Variants in CTTNBP2NL observed in about 807,000 individuals in gnomAD.
CTTNBP2NL encodes CTTNBP2 N-terminal like, also known as CTTNBP2 N-terminal-like protein.
Under a neutral mutation model 32.5 loss-of-function variants are expected in CTTNBP2NL, and 16 were observed. That is an observed-to-expected ratio of 0.49 (90% CI 0.33 to 0.75). CTTNBP2NL has a LOEUF of 0.75. CTTNBP2NL is among the 30% of genes least tolerant of loss of function. CTTNBP2NL has a pLI of 0.02. For synonymous variants in CTTNBP2NL, 298 were observed against 289.4 expected (o/e 1.03, Z -0.30); for missense variants, 645 against 756.0 (o/e 0.85, Z 1.72).
At chr1:112,438,867 G>A (rs1233498534) in intron 3 of CTTNBP2NL, among the ~76,000 whole-genome samples, 9 of 152,152 alleles carry the variant, frequency 5.9e-5, no homozygotes, top group South Asian at 2.1e-4. Context: ...TAAACACCCT[G>A]CAATGCAATG....
chr1:112,442,721 C>T (rs1368074391), intron 3 of CTTNBP2NL, among the ~76,000 whole-genome samples: 1 of 151,682 alleles, frequency 6.6e-6, no homozygotes, highest in Admixed American at 6.6e-5. Context: ...AAGAGAGTCT[C>T]GCTCTGTCGC....
At chr1:112,446,937 T>G (rs1179629961) in intron 3 of CTTNBP2NL, among the ~76,000 whole-genome samples, 1 of 152,200 alleles carries the variant, frequency 6.6e-6, no homozygotes, top group African/African-American at 2.4e-5. Context: ...GGAGGTTATT[T>G]TGAAATTTTA....
chr1:112,429,221 C>T (rs892384813), intron 3 of CTTNBP2NL, among the ~76,000 whole-genome samples: 2 of 152,208 alleles, frequency 1.3e-5, no homozygotes, highest in African/African-American at 4.8e-5. Flanking sequence ...GCTAAATGAA[C>T]TATGGGATCT....
chr1:112,393,994 T>C (rs1024408495), upstream of CTTNBP2NL, among the ~76,000 whole-genome samples: 6 of 151,806 alleles, frequency 4.0e-5, no homozygotes, highest in African/African-American at 1.5e-4. Context: ...TCACCTGAGG[T>C]CAGGAGTTTG....
intron 3 of CTTNBP2NL, among the ~76,000 whole-genome samples, chr1:112,419,338 T>C (rs1229697855): frequency 1.3e-5 from 2 of 152,174 alleles, no homozygotes; most frequent in Non-Finnish European, 2.9e-5. Flanking sequence ...AAAATCGAAA[T>C]GTTATGTCTT....
chr1:112,391,465 TAGTTGGAGCCTAGGAC>T (rs927421139), upstream of CTTNBP2NL, among the ~76,000 whole-genome samples: 1 of 152,176 alleles, frequency 6.6e-6, no homozygotes, highest in Non-Finnish European at 1.5e-5. Flanking sequence ...CCCAGATGTT[TAGTTGGAGCCTAGGAC>T]TCAGAGAAGA....
At position 112,461,113 on chromosome 1, in the gene CTTNBP2NL, T is replaced by C. The variant is rs1650540168; in HGVS notation, c.*3701T>C. ...GAAATGAGAGCCTGTCCACCCACCA[T>C]TTGTGTATCAGTGGCCAATTCATTA... On this transcript the variant is annotated 3_prime_UTR_variant, in exon 6 of 6. Coordinates refer to ENST00000271277, the MANE Select transcript of CTTNBP2NL (RefSeq NM_018704.3). 1 of 152,156 alleles carries C rather than the reference T, an allele frequency of 6.6e-6. No individual in the cohort carries two copies. The highest frequency in any genetic ancestry group is 1.5e-5 in the Non-Finnish European group (1 of 68,018). 9.4% of individuals were successfully genotyped at this position (152,156 alleles called of 1,614,324 possible).
intron 3 of CTTNBP2NL, among the ~76,000 whole-genome samples, chr1:112,417,625 T>C (rs1649104202): frequency 6.6e-6 from 1 of 152,204 alleles, no homozygotes; most frequent in Non-Finnish European, 1.5e-5. Flanking sequence ...TTAGTCTGCA[T>C]ATGGTCTGTA....
chr1:112,438,493 A>G (rs765148452), intron 3 of CTTNBP2NL, among the ~76,000 whole-genome samples: 2 of 152,122 alleles, frequency 1.3e-5, no homozygotes, highest in African/African-American at 2.4e-5. Context: ...TCTATTCTAG[A>G]TATAGAATCA....
At chr1:112,430,169 T>TTCTTC (rs1649518324) in intron 3 of CTTNBP2NL, among the ~76,000 whole-genome samples, 1 of 33,098 alleles carries the variant, frequency 3.0e-5, no homozygotes, top group Non-Finnish European at 7.7e-5. Context: ...GCTCTTTTCT[T>TTCTTC]TCTTTTCTTT....
intron 3 of CTTNBP2NL, among the ~76,000 whole-genome samples, chr1:112,440,210 T>C (rs1649857802): frequency 6.6e-6 from 1 of 152,230 alleles, no homozygotes; most frequent in Non-Finnish European, 1.5e-5. Context: ...TTTTGGTTGT[T>C]TAACCCTGAT....
At position 112,456,627 on chromosome 1, in the gene CTTNBP2NL, G is replaced by A. The variant is rs760099859; in HGVS notation, c.1135G>A (p.Val379Met). ...ENQVPPREKS[V>M]ALAQEKPVEN... ...CCAGGTGCCTCCACGGGAAAAATCT[G>A]TGGCATTGGCCCAAGAGAAACCAGT... Residue 379 changes from valine to methionine, a missense_variant, in exon 6 of 6, where the codon GTG becomes ATG. Val to Met is a conservative substitution (Grantham distance 21). Transcript: ENST00000271277. The A allele has an allele frequency of 6.2e-7, 1 of 1,614,156 alleles. No individual in the cohort carries two copies. The highest frequency in any genetic ancestry group is 8.5e-7 in the Non-Finnish European group (1 of 1,180,024).
At chr1:112,409,696 T>C (rs1195685424) in intron 1 of CTTNBP2NL, among the ~76,000 whole-genome samples, 1 of 152,174 alleles carries the variant, frequency 6.6e-6, no homozygotes, top group Non-Finnish European at 1.5e-5. Context: ...AGTCTCTATA[T>C]GGTAAAATGG....
intron 3 of CTTNBP2NL, among the ~76,000 whole-genome samples, chr1:112,426,605 C>CTT (rs35801433): frequency 4.2e-4 from 55 of 129,566 alleles, no homozygotes; most frequent in South Asian, 7.5e-4. Context: ...TACGGCAAAA[C>CTT]TTTTTTTTTT....
intron 3 of CTTNBP2NL, among the ~76,000 whole-genome samples, chr1:112,442,286 C>G (rs1370503003): frequency 6.6e-6 from 1 of 152,148 alleles, no homozygotes; most frequent in Non-Finnish European, 1.5e-5. Flanking sequence ...CCATGCCTGG[C>G]TAATTTTTAT....
chr1:112,418,375 C>T (rs1435162738), intron 3 of CTTNBP2NL, among the ~76,000 whole-genome samples: 1 of 152,084 alleles, frequency 6.6e-6, no homozygotes, highest in Non-Finnish European at 1.5e-5. Flanking sequence ...TCCCAGAATC[C>T]TCCTCACTCA....
Position 112,413,963 on chromosome 1 carries a change from G to C in CTTNBP2NL, c.-10+1646G>C, listed in dbSNP as rs536787643. Among the ~76,000 whole-genome samples, 6 of 152,002 alleles carry C rather than the reference G, an allele frequency of 3.9e-5. No individual in the cohort carries two copies. The East Asian group carries it at 7.7e-4, about 20-fold the overall frequency. ...CTTGGGAGGCTGAGGCAGGAGAATCGCTGGAACCCGGGAGGCGGAGGTTGC... is the reference window on the plus strand; with the variant it reads ...CTTGGGAGGCTGAGGCAGGAGAATCCCTGGAACCCGGGAGGCGGAGGTTGC... On this transcript the variant is annotated intron_variant, in intron 2 of 5. Transcript: ENST00000271277.
chr1:112,448,466 A>G (rs1464654218), intron 3 of CTTNBP2NL, among the ~76,000 whole-genome samples: 9 of 152,264 alleles, frequency 5.9e-5, no homozygotes. Context: ...TAGAAATGCT[A>G]GTACCATAAC....
intron 1 of CTTNBP2NL, among the ~76,000 whole-genome samples, chr1:112,398,031 A>G (rs1024955342): frequency 2.0e-5 from 3 of 152,224 alleles, no homozygotes; most frequent in Admixed American, 6.5e-5. Context: ...AGCAAACGCA[A>G]TGTGTGCTGC....
Sources: gnomAD v4.1 joint callset for allele counts (sites outside exome capture counted in the v4.1 genomes callset) on GRCh38, gnomAD v4.1.1 for gene constraint, MANE v1.5 for transcripts, NCBI Gene and HGNC (gene_info 2026-07-23, HGNC 2026-07-21) for gene names.